Variants in KIF9 observed in about 807,000 individuals in gnomAD.
KIF9 encodes kinesin-like protein KIF9.
KIF9 carries 68 observed loss-of-function variants against 94.8 expected under a neutral mutation model. The observed-to-expected ratio is 0.72, with a 90% CI of 0.59 to 0.88. KIF9 has a LOEUF of 0.88. Among genes scored for constraint, KIF9 ranks in the 40% least tolerant of loss-of-function variants. The probability of loss-of-function intolerance (pLI) is 0.00; values close to 1 mark genes in which losing one functional copy is unlikely to be tolerated. For missense variants in KIF9, 882 were observed against 982.5 expected, an observed-to-expected ratio of 0.90 and a Z score of 1.37; for synonymous variants, 343 against 362.1, an observed-to-expected ratio of 0.95 and a Z score of 0.60.
At chr3:47,270,091 A>T (rs1357978405) in intron 5 of KIF9, among the ~76,000 whole-genome samples, 1 of 151,886 alleles carries the variant, frequency 6.6e-6, no homozygotes, top group East Asian at 1.9e-4. Context: ...GTTAGTGGAG[A>T]TGAGGTTTCA....
intron 12 of KIF9, chr3:47,246,523 T>C (rs1699935169): frequency 8.1e-6 from 2 of 247,508 alleles, no homozygotes; most frequent in African/African-American, 4.5e-5. Flanking sequence ...AATGAAATGA[T>C]TCTATACCTT....
chr3:47,256,203 G>A (rs895183306), intron 10 of KIF9, among the ~76,000 whole-genome samples: 8 of 151,690 alleles, frequency 5.3e-5, no homozygotes, highest in East Asian at 1.9e-4. Flanking sequence ...AGTGAGGAGC[G>A]TCTCTGCGTG....
chr3:47,282,134 C>T (rs1038704633), intron 1 of KIF9: 7 of 956,328 alleles, frequency 7.3e-6, no homozygotes, highest in Non-Finnish European at 8.7e-6. Flanking sequence ...GGAGAGGTTT[C>T]CTCACCTGTA....
At chr3:47,276,570 AAAAAG>A (rs1019445086) in intron 2 of KIF9, among the ~76,000 whole-genome samples, 2 of 151,576 alleles carry the variant, frequency 1.3e-5, no homozygotes, top group Non-Finnish European at 2.9e-5. Context: ...AAAAAAAAAA[AAAAAG>A]AAAAGAAAGA....
intron 20 of KIF9, among the ~76,000 whole-genome samples, chr3:47,229,519 C>T (rs116679467): frequency 6.6e-6 from 1 of 152,194 alleles, no homozygotes; most frequent in Non-Finnish European, 1.5e-5. Flanking sequence ...AAAATCTGAT[C>T]TATATGTTTC....
At chr3:47,282,293 T>C (rs2107552648) in intron 1 of KIF9, 1 of 985,720 alleles carries the variant, frequency 1.0e-6, no homozygotes, top group African/African-American at 1.7e-5. Context: ...CCAATGAACA[T>C]TAGCTCCGAA....
rs1340316739 is a variant in KIF9 at position 47,247,468 on chromosome 3, T to C, written c.1138A>G (p.Thr380Ala). 2.5e-6 allele frequency: 4 copies of C among 1,612,760 alleles called. No individual in the cohort carries two copies. Among genetic ancestry groups the C allele is most frequent in the South Asian group, 1.1e-5 (1 of 91,052 alleles). The change falls in exon 12 of 21, where the codon ACC becomes GCC. Residue 380 changes from threonine to alanine, a missense_variant. Thr to Ala is a moderately conservative substitution (Grantham distance 58). Coordinates refer to ENST00000684063, the MANE Select transcript of KIF9 (RefSeq NM_182902.4). ...LAIHDSLTNR[T>A]FVTYDPMDEI... ...TCCATGGGGTCATAGGTCACAAAGG[T>C]GCGGTTGGTCTTGAAGGAGGATGAA...
intron 10 of KIF9, among the ~76,000 whole-genome samples, chr3:47,256,427 G>T (rs1311941464): frequency 1.3e-5 from 2 of 152,102 alleles, no homozygotes; most frequent in African/African-American, 4.8e-5. Flanking sequence ...CATCTGGGAA[G>T]TGAGGAGCAT....
intron 20 of KIF9, chr3:47,231,961 T>C (rs999800605): frequency 1.3e-5 from 2 of 152,212 alleles, no homozygotes; most frequent in African/African-American, 4.8e-5. Flanking sequence ...AGAATACCGA[T>C]AAACTTGTGC....
chr3:47,256,372 C>G (rs916278926), intron 10 of KIF9, among the ~76,000 whole-genome samples: 4 of 151,316 alleles, frequency 2.6e-5, no homozygotes, highest in African/African-American at 9.7e-5. Context: ...GCCTGGCAAC[C>G]GCCCCGTCTG....
chr3:47,238,166 T>C (rs1699178151), intron 17 of KIF9, among the ~76,000 whole-genome samples: 1 of 152,236 alleles, frequency 6.6e-6, no homozygotes, highest in Non-Finnish European at 1.5e-5. Context: ...GTTCCAAATA[T>C]GTTGACCTTC....
chr3:47,271,052 G>A (rs750134495), intron 5 of KIF9, among the ~76,000 whole-genome samples, 185 bp downstream of exon 5: 8 of 151,950 alleles, frequency 5.3e-5, no homozygotes, highest in Non-Finnish European at 8.8e-5. Context: ...GCTGAGGCAG[G>A]AGGATCACTT....
At chr3:47,263,959 C>G (rs1701134702) in intron 9 of KIF9, 1 of 492,184 alleles carries the variant, frequency 2.0e-6, no homozygotes, top group Non-Finnish European at 4.0e-6. Context: ...CACCAACGAT[C>G]CTTCTTGATC....
At chr3:47,270,682 T>C (rs956810101) in intron 5 of KIF9, among the ~76,000 whole-genome samples, 1 of 152,154 alleles carries the variant, frequency 6.6e-6, no homozygotes, top group African/African-American at 2.4e-5. Flanking sequence ...TATACATTAT[T>C]GTTGCCTTAT....
At chr3:47,274,021 T>C (rs1230120400) in intron 3 of KIF9, among the ~76,000 whole-genome samples, 1 of 152,158 alleles carries the variant, frequency 6.6e-6, no homozygotes, top group African/African-American at 2.4e-5. Flanking sequence ...ACTCCAGCCC[T>C]TCTCTAGCAC....
In KIF9 at chr3:47,282,561, C is replaced by G; in HGVS notation, c.-72G>C. ...ACCGAAACCACCTGCACTCCCCACGCGGGGCTGCCTGGCTGTGTACATAGT... is the reference window on the plus strand; with the variant it reads ...ACCGAAACCACCTGCACTCCCCACGGGGGGCTGCCTGGCTGTGTACATAGT... On this transcript the variant is annotated 5_prime_UTR_variant, in exon 1 of 21. Coordinates refer to ENST00000684063, the MANE Select transcript of KIF9 (RefSeq NM_182902.4). The G allele has an allele frequency of 9.8e-7, 1 of 1,021,056 alleles. No individual in the cohort carries two copies. The highest frequency in any genetic ancestry group is 1.2e-6 in the Non-Finnish European group (1 of 850,448). The allele number at this position is 1,021,056 out of a possible 1,614,324, so 63.2% of individuals were successfully genotyped here. A position where few individuals can be genotyped will look rare whatever the true frequency, so the allele number is the denominator to read the frequency against.
rs1407348090 is a variant in KIF9 at position 47,231,034 on chromosome 3, G to A, written c.2323-2332C>T. Among the ~76,000 whole-genome samples, 9 of 147,802 alleles carry A rather than the reference G, an allele frequency of 6.1e-5. No homozygotes were observed. The East Asian group carries it at 1.3e-3, about 21-fold the overall frequency. On this transcript the variant is annotated intron_variant, in intron 20 of 20. Coordinates refer to ENST00000684063, the MANE Select transcript of KIF9 (RefSeq NM_182902.4). ...AGCCAGGGTGAAAGAGCAAAACTCCGTCTAAAAAAAAAAGTTACCTAAATT... is the reference window on the plus strand; with the variant it reads ...AGCCAGGGTGAAAGAGCAAAACTCCATCTAAAAAAAAAAGTTACCTAAATT...
intron 13 of KIF9, 169 bp from the exon 14 acceptor site, chr3:47,245,680 GC>G: frequency 1.6e-6 from 1 of 619,304 alleles, no homozygotes; most frequent in Admixed American, 2.7e-5. Flanking sequence ...ACTTCCCCCT[GC>G]CCCATTGCAT....
chr3:47,234,435 T>C (rs903403984), intron 20 of KIF9, among the ~76,000 whole-genome samples: 1 of 152,044 alleles, frequency 6.6e-6, no homozygotes, highest in Admixed American at 6.6e-5. Flanking sequence ...GGTTTCACCA[T>C]GTTGCCCAGG....
Sources: allele counts gnomAD v4.1 joint callset (sites outside exome capture counted in the v4.1 genomes callset), GRCh38; gene constraint gnomAD v4.1.1; transcripts MANE v1.5; gene names NCBI Gene and HGNC (gene_info 2026-07-23, HGNC 2026-07-21).